Variants in LHFPL6 observed in about 807,000 individuals in gnomAD.
The protein encoded by LHFPL6 is LHFPL tetraspan subfamily member 6.
A neutral mutation model predicts 20.6 loss-of-function variants in LHFPL6; 9 were observed. The ratio of observed to expected loss-of-function variants is 0.44; its 90% CI spans 0.26 to 0.76. The LOEUF (loss-of-function observed/expected upper bound fraction) is 0.76, where lower values mean the gene tolerates loss of function less well. LHFPL6 is among the 30% of genes least tolerant of loss of function. The pLI is 0.20. For missense variants in LHFPL6, 218 were observed against 253.5 expected (o/e 0.86, Z 0.95); for synonymous variants, 105 against 98.7 (o/e 1.06, Z -0.38).
At chr13:39,465,675 C>T (rs10492737) in intron 2 of LHFPL6, among the ~76,000 whole-genome samples, 23,726 of 151,912 alleles carry the variant, frequency 0.16, 3,461 homozygotes, top group East Asian at 0.52. Flanking sequence ...ATATTTGAAA[C>T]GTTCATCTGT....
chr13:39,439,101 C>T (rs1383571348), intron 2 of LHFPL6, among the ~76,000 whole-genome samples: 1 of 152,200 alleles, frequency 6.6e-6, no homozygotes, highest in African/African-American at 2.4e-5. Context: ...GACTCAATGG[C>T]AAACCTTGAG....
At chr13:39,497,915 C>T (rs1025491227) in intron 2 of LHFPL6, among the ~76,000 whole-genome samples, 11 of 152,120 alleles carry the variant, frequency 7.2e-5, no homozygotes, top group African/African-American at 1.4e-4. Context: ...CACTTCTACA[C>T]GATTAATACT....
At chr13:39,475,824 T>TGTG (rs1368374860) in intron 2 of LHFPL6, among the ~76,000 whole-genome samples, 1 of 152,158 alleles carries the variant, frequency 6.6e-6, no homozygotes, top group Non-Finnish European at 1.5e-5. Context: ...TAAGGATCAC[T>TGTG]ACTCTCTATC....
intron 2 of LHFPL6, among the ~76,000 whole-genome samples, chr13:39,436,561 C>A (rs1324828545): frequency 6.6e-6 from 1 of 152,188 alleles, no homozygotes; most frequent in African/African-American, 2.4e-5. Context: ...TTCTCCATAG[C>A]CCCTGTCCCG....
chr13:39,436,187 A>T (rs575285146), intron 2 of LHFPL6, among the ~76,000 whole-genome samples: 1 of 152,228 alleles, frequency 6.6e-6, no homozygotes, highest in African/African-American at 2.4e-5. Context: ...AATATAAGAA[A>T]ATTTTGTGCA....
At chr13:39,561,682 C>G (rs1178567208) in intron 2 of LHFPL6, among the ~76,000 whole-genome samples, 2 of 152,314 alleles carry the variant, frequency 1.3e-5, no homozygotes, top group East Asian at 3.9e-4. Context: ...GTCTTGAACT[C>G]TTGGCCGTAA....
At chr13:39,381,558 G>A (rs1870436624) in intron 2 of LHFPL6, among the ~76,000 whole-genome samples, 1 of 152,050 alleles carries the variant, frequency 6.6e-6, no homozygotes, top group African/African-American at 2.4e-5. Context: ...AAACCAGGCT[G>A]GAACCCCATG....
rs141280600 is a variant in LHFPL6 at position 39,382,393 on chromosome 13, G to C, written c.386-3867C>G. On this transcript the variant is annotated intron_variant, in intron 2 of 3. Coordinates refer to ENST00000379589, the MANE Select transcript of LHFPL6 (RefSeq NM_005780.3). ...AGTAGGTTACATTACTTTGTTTTTTGTTTGTTTGGTTGTTTTGTTTTGTTT... is the reference window on the plus strand; with the variant it reads ...AGTAGGTTACATTACTTTGTTTTTTCTTTGTTTGGTTGTTTTGTTTTGTTT... Among the ~76,000 whole-genome samples, 1,518 of 152,018 alleles carry C rather than the reference G, an allele frequency of 1.0e-2. 21 individuals are homozygous for C. The highest frequency in any genetic ancestry group is 0.034 in the African/African-American group (1,410 of 41,474).
chr13:39,465,590 T>C lies in LHFPL6; in HGVS notation c.386-87064A>G, dbSNP rs923606557. Among the ~76,000 whole-genome samples, 9 of 152,158 alleles carry C rather than the reference T, an allele frequency of 5.9e-5. 1 individual carries two copies. The highest frequency in any genetic ancestry group is 2.6e-4 in the Admixed American group (4 of 15,266). ...AATTCCTAGGGGAAGCGTTCAGAGT[T>C]GAGCATGTCATATAAGTAGGGCTGC... On this transcript the variant is annotated intron_variant, in intron 2 of 3. Transcript: ENST00000379589.
chr13:39,440,269 C>T (rs1162296331), intron 2 of LHFPL6, among the ~76,000 whole-genome samples: 1 of 152,092 alleles, frequency 6.6e-6, no homozygotes, highest in Non-Finnish European at 1.5e-5. Flanking sequence ...ATTTAGTCAA[C>T]TCCATAGTTT....
intron 2 of LHFPL6, among the ~76,000 whole-genome samples, chr13:39,494,603 G>A (rs1869036224): frequency 6.6e-6 from 1 of 152,248 alleles, no homozygotes; most frequent in South Asian, 2.1e-4. Context: ...TATGCAAACA[G>A]TTTCTAGCTA....
chr13:39,369,829 G>T (rs1870121384), intron 3 of LHFPL6, among the ~76,000 whole-genome samples: 1 of 152,058 alleles, frequency 6.6e-6, no homozygotes, highest in East Asian at 1.9e-4. Flanking sequence ...AGGCACCGAA[G>T]TTGAAAAATC....
chr13:39,468,069 T>C (rs954742975), intron 2 of LHFPL6, among the ~76,000 whole-genome samples: 5 of 152,216 alleles, frequency 3.3e-5, no homozygotes, highest in African/African-American at 9.7e-5. Flanking sequence ...TTCCTCTTGG[T>C]TCCACATTTC....
chr13:39,414,963 G>T (rs1362291669), intron 2 of LHFPL6, among the ~76,000 whole-genome samples: 1 of 152,166 alleles, frequency 6.6e-6, no homozygotes, highest in Non-Finnish European at 1.5e-5. Flanking sequence ...CAAATTACTG[G>T]GGGTGGACAT....
intron 2 of LHFPL6, among the ~76,000 whole-genome samples, chr13:39,494,993 G>A (rs906829722): frequency 6.6e-6 from 1 of 152,092 alleles, no homozygotes; most frequent in Non-Finnish European, 1.5e-5. Flanking sequence ...CACTGCATAC[G>A]CCAACCTCAG....
At chr13:39,488,405 G>A (rs1868795445) in intron 2 of LHFPL6, among the ~76,000 whole-genome samples, 1 of 152,172 alleles carries the variant, frequency 6.6e-6, no homozygotes, top group Non-Finnish European at 1.5e-5. Flanking sequence ...TGTGAGCTCT[G>A]CGAACAGGTG....
intron 3 of LHFPL6, among the ~76,000 whole-genome samples, chr13:39,355,988 A>C (rs1869715050): frequency 6.6e-6 from 1 of 152,188 alleles, no homozygotes; most frequent in Non-Finnish European, 1.5e-5. Context: ...TAAGGCAGAA[A>C]ACCAAAAAAA....
At chr13:39,374,755 CT>C (rs1870245287) in intron 3 of LHFPL6, among the ~76,000 whole-genome samples, 1 of 152,214 alleles carries the variant, frequency 6.6e-6, no homozygotes, top group Non-Finnish European at 1.5e-5. Flanking sequence ...CTTTTCCTTT[CT>C]AACATACTTC....
At chr13:39,541,559 A>G (rs1870799236) in intron 2 of LHFPL6, among the ~76,000 whole-genome samples, 1 of 152,074 alleles carries the variant, frequency 6.6e-6, no homozygotes, top group Non-Finnish European at 1.5e-5. Context: ...TCAGGACCCA[A>G]CTAAAGTCCA....
Sources: gnomAD v4.1 joint callset for allele counts (sites outside exome capture counted in the v4.1 genomes callset) on GRCh38, gnomAD v4.1.1 for gene constraint, MANE v1.5 for transcripts, NCBI Gene and HGNC (gene_info 2026-07-23, HGNC 2026-07-21) for gene names.